HMOX2: variants seen among roughly 807,000 people sequenced by gnomAD.
The protein encoded by HMOX2 is heme oxygenase (decycling) 2.
Under a neutral mutation model 33.7 loss-of-function variants are expected in HMOX2, and 30 were observed. That is an observed-to-expected ratio of 0.89 (90% CI 0.67 to 1.21). HMOX2 has a LOEUF of 1.21. Ranked by LOEUF, HMOX2 falls within the 50% of genes most tolerant of loss-of-function variation. The probability of loss-of-function intolerance (pLI) is 0.00; values close to 1 mark genes in which losing one functional copy is unlikely to be tolerated. For missense variants in HMOX2, 403 were observed against 399.1 expected (o/e 1.01, Z -0.08); for synonymous variants, 155 against 155.0 (o/e 1.00, Z 0.00).
intron 4 of HMOX2, among the ~76,000 whole-genome samples, chr16:4,508,575 G>A (rs955356085): frequency 2.0e-5 from 3 of 152,180 alleles, no homozygotes; most frequent in African/African-American, 4.8e-5. Flanking sequence ...TAGAGAGCCA[G>A]TGCCACCAAG....
chr16:4,495,153 G>A (rs2058388928), intron 1 of HMOX2, among the ~76,000 whole-genome samples: 2 of 152,176 alleles, frequency 1.3e-5, no homozygotes, highest in South Asian at 4.1e-4. Context: ...TCATTCATGT[G>A]CAAATCAGGC....
At chr16:4,482,409 C>T (rs1365540722) in intron 1 of HMOX2, among the ~76,000 whole-genome samples, 1 of 152,110 alleles carries the variant, frequency 6.6e-6, no homozygotes, top group African/African-American at 2.4e-5. Context: ...CTTCTGATAC[C>T]AGATATATGG....
chr16:4,479,587 TC>T (rs1171897714), intron 1 of HMOX2: 2 of 152,146 alleles, frequency 1.3e-5, no homozygotes, highest in Non-Finnish European at 2.9e-5. Flanking sequence ...AATTTTTGTT[TC>T]ACAGATAGAT....
chr16:4,504,039 G>C (rs1354774025), intron 1 of HMOX2, among the ~76,000 whole-genome samples: 1 of 152,258 alleles, frequency 6.6e-6, no homozygotes, highest in African/African-American at 2.4e-5. Flanking sequence ...GAAGCCCCGA[G>C]GGATGGAGGA....
chr16:4,501,893 C>T (rs17886231), intron 1 of HMOX2, among the ~76,000 whole-genome samples: 2 of 152,322 alleles, frequency 1.3e-5, no homozygotes, highest in East Asian at 3.9e-4. Flanking sequence ...CTAACCGAGC[C>T]TTCCCAGGAG....
chr16:4,509,352 A>T, intron 4 of HMOX2, 60 bp from the exon 5 acceptor site: 2 of 1,169,710 alleles, frequency 1.7e-6, no homozygotes, highest in Non-Finnish European at 2.3e-6. Context: ...AAGACATTTA[A>T]AAAAAAAAAA....
At position 4,504,138 on chromosome 16, in the gene HMOX2, A is replaced by G. The variant is rs145851463; in HGVS notation, c.-41-1346A>G. ...CAATGGGAATTGATTGGCCAACTTA[A>G]TATTTCCTTCAGCCTAGCAAAGTCC... On this transcript the variant is annotated intron_variant, in intron 1 of 5. Transcript: ENST00000570646. Among the ~76,000 whole-genome samples the G allele has an allele frequency of 6.4e-3, 979 of 152,248 alleles. 7 individuals carry two copies. The highest frequency in any genetic ancestry group is 7.6e-3 in the Admixed American group (116 of 15,298).
Position 4,510,075 on chromosome 16 carries a change from A to G in HMOX2, c.*319A>G. The G allele has an allele frequency of 5.5e-6, 2 of 360,918 alleles. No homozygotes were observed. Among genetic ancestry groups the G allele is most frequent in the Non-Finnish European group, 5.1e-6 (1 of 195,206 alleles). The allele number at this position is 360,918 out of a possible 1,614,324, so 22.4% of individuals were successfully genotyped here. ...CCGGTAGTCCCTGTTTTTGCAGTACATGGGTGACTATCTCCCCTGTTGGAG... is the reference window on the plus strand; with the variant it reads ...CCGGTAGTCCCTGTTTTTGCAGTACGTGGGTGACTATCTCCCCTGTTGGAG... On this transcript the variant is annotated 3_prime_UTR_variant, in exon 6 of 6. Transcript: ENST00000570646.
chr16:4,480,689 G>C (rs1295514867), intron 1 of HMOX2, among the ~76,000 whole-genome samples: 1 of 132,038 alleles, frequency 7.6e-6, no homozygotes, highest in Non-Finnish European at 1.6e-5. Flanking sequence ...TTTCACTCTT[G>C]TCACCCAGGC....
At chr16:4,497,637 C>G (rs1046537788) in intron 1 of HMOX2, among the ~76,000 whole-genome samples, 4 of 152,178 alleles carry the variant, frequency 2.6e-5, no homozygotes, top group Non-Finnish European at 5.9e-5. Context: ...TCCTTGGTGT[C>G]TGTCTTCACT....
chr16:4,491,782 C>A (rs2058312342), intron 1 of HMOX2, among the ~76,000 whole-genome samples: 2 of 151,880 alleles, frequency 1.3e-5, no homozygotes, highest in Admixed American at 1.3e-4. Context: ...GATCTCGGCT[C>A]ACTGCAACCT....
At chr16:4,479,258 C>G (rs1394876323) in intron 1 of HMOX2, among the ~76,000 whole-genome samples, 6 of 152,120 alleles carry the variant, frequency 3.9e-5, no homozygotes, top group Non-Finnish European at 8.8e-5. Flanking sequence ...CTTGATGAGC[C>G]TAAGTTTTTG....
At chr16:4,484,253 C>T (rs564824787) in intron 1 of HMOX2, among the ~76,000 whole-genome samples, 14 of 152,070 alleles carry the variant, frequency 9.2e-5, no homozygotes, top group African/African-American at 2.7e-4. Context: ...GGATTACAGG[C>T]GTGAGCCACT....
At chr16:4,501,479 A>G (rs1327883323) in intron 1 of HMOX2, among the ~76,000 whole-genome samples, 2 of 152,164 alleles carry the variant, frequency 1.3e-5, no homozygotes, top group African/African-American at 4.8e-5. Flanking sequence ...CTAACATCAT[A>G]GTATGGCTGG....
chr16:4,480,347 C>CTTT (rs57106048), intron 1 of HMOX2, among the ~76,000 whole-genome samples: 23 of 129,258 alleles, frequency 1.8e-4, no homozygotes, highest in African/African-American at 4.4e-4. Context: ...AGCACCCGGC[C>CTTT]TTTTTTTTTT....
intron 1 of HMOX2, among the ~76,000 whole-genome samples, chr16:4,490,715 A>G (rs2058284001): frequency 6.6e-6 from 1 of 152,160 alleles, no homozygotes; most frequent in Non-Finnish European, 1.5e-5. Context: ...TTTTTGGTGG[A>G]AATTCAGTTT....
rs2058071926 is a variant in HMOX2, at chr16:4,483,111, T to G, written c.-42+6624T>G. On this transcript the variant is annotated intron_variant, in intron 1 of 5. Coordinates refer to ENST00000570646, the MANE Select transcript of HMOX2 (RefSeq NM_002134.4). ...GAAGAGGCATGAAGCTTCTACGCCCTCTCTGGAACTTTCGTGTATTCAGCT... is the reference window on the plus strand; with the variant it reads ...GAAGAGGCATGAAGCTTCTACGCCCGCTCTGGAACTTTCGTGTATTCAGCT... Among the ~76,000 whole-genome samples, 4 of 151,718 alleles carry G rather than the reference T, an allele frequency of 2.6e-5. 1 individual carries two copies. In the South Asian group the frequency reaches 8.3e-4, roughly 32 times the overall value.
At chr16:4,476,010 T>C (rs1476660411), upstream of HMOX2, 2 of 152,250 alleles carry the variant, frequency 1.3e-5, no homozygotes, top group Non-Finnish European at 2.9e-5. Flanking sequence ...GGAGATCAGA[T>C]ACAAGACTGG....
chr16:4,488,593 T>C (rs1368149671), intron 1 of HMOX2: 1 of 152,252 alleles, frequency 6.6e-6, no homozygotes, highest in Non-Finnish European at 1.5e-5. Flanking sequence ...GATGTGGGTT[T>C]GTTACAAAGT....
Sources: allele counts gnomAD v4.1 joint callset (sites outside exome capture counted in the v4.1 genomes callset), GRCh38; gene constraint gnomAD v4.1.1; transcripts MANE v1.5; gene names NCBI Gene and HGNC (gene_info 2026-07-23, HGNC 2026-07-21).